SYNPO2L: variants seen among roughly 807,000 people sequenced by gnomAD.
SYNPO2L encodes synaptopodin 2 like.
A neutral mutation model predicts 47.5 loss-of-function variants in SYNPO2L; 34 were observed. The ratio of observed to expected loss-of-function variants is 0.72; its 90% CI spans 0.54 to 0.95. SYNPO2L has a LOEUF of 0.95. SYNPO2L is among the 40% of genes least tolerant of loss of function. The pLI, the probability that SYNPO2L is intolerant of heterozygous loss-of-function variation, is 0.00. For missense variants in SYNPO2L, 1,246 were observed against 1,282.0 expected (o/e 0.97, Z 0.43); for synonymous variants, 536 against 524.9 (o/e 1.02, Z -0.29).
chr10:73,650,965 C>T (rs1350082727), intron 3 of SYNPO2L: 1 of 1,613,826 alleles, frequency 6.2e-7, no homozygotes. Context: ...TCATAGCTGG[C>T]TTGGCTGAGG....
Position 73,645,290 on chromosome 10 carries a change from C to T in SYNPO2L, c.*1428G>A, listed in dbSNP as rs565042235. The T allele has an allele frequency of 1.8e-6, 2 of 1,087,612 alleles. No individual in the cohort carries two copies. Among genetic ancestry groups the T allele is most frequent in the South Asian group, 2.5e-5 (1 of 40,228 alleles). The allele number at this position is 1,087,612 out of a possible 1,614,324, so 67.4% of individuals were successfully genotyped here. A position where few individuals can be genotyped will look rare whatever the true frequency, so the allele number is the denominator to read the frequency against. On this transcript the variant is annotated 3_prime_UTR_variant, in exon 4 of 4. Transcript: ENST00000394810. ...ACATTCTTCTCCCTCAAATTTTTTT[C>T]CAATCCCCCTCTCACACACGGTTGG...
Position 73,647,691 on chromosome 10 carries a change from G to T in SYNPO2L, c.1961C>A (p.Ser654Ter). The T allele has an allele frequency of 1.2e-6, 2 of 1,614,174 alleles. No individual in the cohort carries two copies. The highest frequency in any genetic ancestry group is 1.7e-6 in the Non-Finnish European group (2 of 1,180,012). ...TKNSPNPELL[S>*]LVQNLDEKPR... ...CTTTTCATCCAGGTTCTGTACCAGC[G>T]ATAGCAGCTCGGGGTTGGGCGAGTT... is the stretch of plus-strand genomic sequence containing the variant. Residue 654 changes from serine to a stop codon, truncating the protein, a stop_gained, in exon 4 of 4, where the codon TCG becomes TAG. Coordinates refer to ENST00000394810, the MANE Select transcript of SYNPO2L (RefSeq NM_001114133.3). LOFTEE classifies it high-confidence loss of function.
In SYNPO2L at chr10:73,647,634, T is replaced by A. The variant is rs886108341; in HGVS notation, c.2018A>T (p.Glu673Val). The A allele has an allele frequency of 2.5e-6, 4 of 1,614,136 alleles. No homozygotes were observed. The South Asian group carries it at 4.4e-5, about 18-fold the overall frequency. Residue 673 changes from glutamate to valine, a missense_variant, in exon 4 of 4, where the codon GAA becomes GTA. Glu to Val is a moderately radical substitution (Grantham distance 121). Around this residue, in one of 3 missense-constraint regions of SYNPO2L, gnomAD observed 1,037 missense variants for 1,021.5 expected, o/e 1.02. Coordinates refer to ENST00000394810, the MANE Select transcript of SYNPO2L (RefSeq NM_001114133.3). ...PRAGGAESGPEEDALSLGAEA... is the reference protein window; with the variant it reads ...PRAGGAESGPVEDALSLGAEA... ...AGCCCCGAGGCTCAGAGCATCTTCTTCAGGACCAGATTCTGCACCCCCGGC... is the reference window on the plus strand; with the variant it reads ...AGCCCCGAGGCTCAGAGCATCTTCTACAGGACCAGATTCTGCACCCCCGGC...
Position 73,648,632 on chromosome 10 carries a change from G to A in SYNPO2L, c.1020C>T (p.Phe340=), listed in dbSNP as rs1373352198. 6.2e-7 allele frequency: 1 copy of A among 1,613,884 alleles called. No individual in the cohort carries two copies. The highest frequency in any genetic ancestry group is 8.5e-7 in the Non-Finnish European group (1 of 1,179,762). The change falls in exon 4 of 4, where the codon TTC becomes TTT. Residue 340 remains phenylalanine (F), a synonymous_variant. Transcript: ENST00000394810. The part of the protein sequence containing the change: ...TSESELDEEA[F]SDARSLTNQS... ...GATTGGTGAGGCTGCGGGCGTCAGAGAAGGCTTCTTCGTCCAGCTCGGACT... is the reference window on the plus strand; with the variant it reads ...GATTGGTGAGGCTGCGGGCGTCAGAAAAGGCTTCTTCGTCCAGCTCGGACT...
At chr10:73,654,613 G>A (rs1194307163) in intron 1 of SYNPO2L, among the ~76,000 whole-genome samples, 1 of 152,150 alleles carries the variant, frequency 6.6e-6, no homozygotes, top group Non-Finnish European at 1.5e-5. Context: ...GGAGGCCTAG[G>A]TGGGTGGATC....
Position 73,645,905 on chromosome 10 carries a change from A to T in SYNPO2L, c.*813T>A, listed in dbSNP as rs1202143838. 3.2e-6 allele frequency: 3 copies of T among 948,366 alleles called. No individual in the cohort carries two copies. In the African/African-American group the frequency reaches 5.3e-5, roughly 17 times the overall value. 58.7% of individuals were successfully genotyped at this position (948,366 alleles called of 1,614,324 possible). On this transcript the variant is annotated 3_prime_UTR_variant, in exon 4 of 4. Transcript: ENST00000394810. ...AGTGGCGCAATCTCAGCTCACTGCAAGCTCCGCCTTCCAGGTTCATGCCAT... is the reference window on the plus strand; with the variant it reads ...AGTGGCGCAATCTCAGCTCACTGCATGCTCCGCCTTCCAGGTTCATGCCAT...
chr10:73,654,358 C>T lies in SYNPO2L; in HGVS notation c.106-78G>A, dbSNP rs1054760721. ...AATGAAAGGAAAAGATGGGAAGGAC[C>T]CACAGGAGGGGATTTTACTTTGCAG... On this transcript the variant is annotated intron_variant, in intron 1 of 3. Transcript: ENST00000394810. 5 of 1,518,628 alleles carry T rather than the reference C, an allele frequency of 3.3e-6. No individual in the cohort carries two copies. The East Asian group carries it at 9.9e-5, about 30-fold the overall frequency. 94.1% of individuals were successfully genotyped at this position (1,518,628 alleles called of 1,614,324 possible).
chr10:73,653,270 G>T lies in SYNPO2L; in HGVS notation c.641C>A (p.Pro214Gln), dbSNP rs572798492. Residue 214 changes from proline (P) to glutamine (Q), a missense_variant, in exon 3 of 4, where the codon CCA becomes CAA. Around this residue, in one of 3 missense-constraint regions of SYNPO2L, gnomAD observed 1,037 missense variants for 1,021.5 expected, o/e 1.02. Transcript: ENST00000394810. The stretch of plus-strand genomic sequence containing the variant: ...ATGGGGTAACAGCAGAGCCTCAGCT[G>T]GGGGTGGCTGAAGGGCTGCCCCATC... ...WEDGAALQPP[P>Q]AEALLLPHGP... 7.3e-5 allele frequency: 113 copies of T among 1,549,480 alleles called. 1 individual carries two copies. The African/African-American group carries it at 1.4e-3, about 19-fold the overall frequency.
At position 73,646,808 on chromosome 10, in the gene SYNPO2L, G is replaced by A; in HGVS notation, c.2844C>T (p.Ser948=). ...GGGGCCTGGCTACCTGGAAACCGCA[G>A]GAGCTGGGAGAAGCCCCAAGGCCCC... The part of the protein sequence containing the change: ...APRGLGASPS[S]CGFQVARPRF... The change falls in exon 4 of 4, where the codon TCC becomes TCT. Residue 948 remains serine, a synonymous_variant. Transcript: ENST00000394810. 1.3e-6 allele frequency: 2 copies of A among 1,538,094 alleles called. No homozygotes were observed. The highest frequency in any genetic ancestry group is 2.2e-5 in the Admixed American group (1 of 46,412).
chr10:73,648,378 G>A lies in SYNPO2L; in HGVS notation c.1274C>T (p.Ala425Val). ...NGEGLQSPPRAQSAPPEAAVL... is the reference protein window; with the variant it reads ...NGEGLQSPPRVQSAPPEAAVL... ...AGCTGCCTCTGGGGGAGCACTCTGG[G>A]CCCGAGGTGGTGACTGCAGGCCTTC... Residue 425 changes from alanine (A) to valine (V), a missense_variant, in exon 4 of 4, where the codon GCC becomes GTC. Around this residue, in one of 3 missense-constraint regions of SYNPO2L, gnomAD observed 1,037 missense variants for 1,021.5 expected, o/e 1.02. Transcript: ENST00000394810. The A allele has an allele frequency of 6.2e-7, 1 of 1,606,764 alleles. No individual in the cohort carries two copies. The highest frequency in any genetic ancestry group is 8.5e-7 in the Non-Finnish European group (1 of 1,179,528).
chr10:73,655,696 CACCCACCCCATCTTCACAGCCT>C, intron 1 of SYNPO2L, 100 bp downstream of exon 1: 1 of 199,386 alleles, frequency 5.0e-6, no homozygotes, highest in Non-Finnish European at 1.0e-5. Context: ...CCCTGCCCAC[CACCCACCCCATCTTCACAGCCT>C]CCCACCCCCC....
chr10:73,645,476 A>G lies in SYNPO2L; in HGVS notation c.*1242T>C. 1.0e-6 allele frequency: 1 copy of G among 989,312 alleles called. No homozygotes were observed. The highest frequency in any genetic ancestry group is 1.2e-6 in the Non-Finnish European group (1 of 833,110). The allele number at this position is 989,312 out of a possible 1,614,324, so 61.3% of individuals were successfully genotyped here. A position where few individuals can be genotyped will look rare whatever the true frequency, so the allele number is the denominator to read the frequency against. Reference sequence around the variant, plus strand: ...CTCCTTTCTCTCAAGCTCATGAGGCAATGAAGCCAATGATTTGTTCATTCT... The same window carrying G: ...CTCCTTTCTCTCAAGCTCATGAGGCGATGAAGCCAATGATTTGTTCATTCT... On this transcript the variant is annotated 3_prime_UTR_variant, in exon 4 of 4. Coordinates refer to ENST00000394810, the MANE Select transcript of SYNPO2L (RefSeq NM_001114133.3).
chr10:73,654,358 C>A, intron 1 of SYNPO2L, 78 bp from the exon 2 acceptor site: 1 of 1,518,746 alleles, frequency 6.6e-7, no homozygotes, highest in Non-Finnish European at 8.9e-7. Context: ...TGGGAAGGAC[C>A]CACAGGAGGG....
Position 73,647,022 on chromosome 10 carries a change from C to A in SYNPO2L, c.2630G>T (p.Gly877Val). ...CTGGACTCGGGCAGTTTTGGGGGAC[C>A]CTGAGGCGATAGGGCCAGGAGTCGG... ...VPPTPGPIAS[G>V]SPKTARVQEI... Residue 877 changes from glycine to valine, a missense_variant, in exon 4 of 4, where the codon GGG becomes GTG. Coordinates refer to ENST00000394810, the MANE Select transcript of SYNPO2L (RefSeq NM_001114133.3). The A allele has an allele frequency of 6.2e-7, 1 of 1,613,732 alleles. No individual in the cohort carries two copies. The highest frequency in any genetic ancestry group is 8.5e-7 in the Non-Finnish European group (1 of 1,179,784).
Position 73,647,265 on chromosome 10 carries a change from G to A in SYNPO2L, c.2387C>T (p.Pro796Leu), listed in dbSNP as rs2081767780. The A allele has an allele frequency of 6.2e-7, 1 of 1,613,950 alleles. No individual in the cohort carries two copies. The highest frequency in any genetic ancestry group is 8.5e-7 in the Non-Finnish European group (1 of 1,180,004). The change falls in exon 4 of 4, where the codon CCC becomes CTC. Residue 796 changes from proline to leucine, a missense_variant. Coordinates refer to ENST00000394810, the MANE Select transcript of SYNPO2L (RefSeq NM_001114133.3). ...GTTGGGTGAATATTTCCAGGAAGGGGGCAGAGACGGGGTAGGAGAAGGACT... is the reference window on the plus strand; with the variant it reads ...GTTGGGTGAATATTTCCAGGAAGGGAGCAGAGACGGGGTAGGAGAAGGACT... ...PRSPSPTPSL[P>L]PSWKYSPNIR...
In SYNPO2L at chr10:73,648,225, T is replaced by G; in HGVS notation, c.1427A>C (p.Gln476Pro). Reference protein sequence around the residue: ...RSARPFTPGLQGQRPTTTSVI... With the variant: ...RSARPFTPGLPGQRPTTTSVI... ...CGAGGTGGTAGTTGGCCGCTGCCCT[T>G]GTAGGCCCGGGGTAAAGGGCCTGGC... Residue 476 changes from glutamine (Q) to proline (P), a missense_variant, in exon 4 of 4, where the codon CAA (glutamine) becomes CCA (proline). Transcript: ENST00000394810. The G allele has an allele frequency of 6.3e-7, 1 of 1,584,624 alleles. No homozygotes were observed. Among genetic ancestry groups the G allele is most frequent in the Non-Finnish European group, 8.6e-7 (1 of 1,167,866 alleles).
At chr10:73,651,846 C>T (rs1431665697) in intron 3 of SYNPO2L, among the ~76,000 whole-genome samples, 1 of 151,670 alleles carries the variant, frequency 6.6e-6, no homozygotes, top group African/African-American at 2.4e-5. Flanking sequence ...GAGGCCGAGG[C>T]GGGTGGATCA....
At position 73,653,207 on chromosome 10, in the gene SYNPO2L, A is replaced by G; in HGVS notation, c.704T>C (p.Val235Ala). ...TGCCACTGGGTGGGGAACAGGCCCC[A>G]CCATAGGGATGAGATGAGGACCAGG... ...LRPGPHLIPM[V>A]GPVPHPVAED... Residue 235 changes from valine (V) to alanine (A), a missense_variant, in exon 3 of 4, where the codon GTG becomes GCG. Coordinates refer to ENST00000394810, the MANE Select transcript of SYNPO2L (RefSeq NM_001114133.3). 6.7e-7 allele frequency: 1 copy of G among 1,484,240 alleles called. No individual in the cohort carries two copies. Among genetic ancestry groups the G allele is most frequent in the East Asian group, 2.5e-5 (1 of 40,218 alleles). 91.9% of individuals were successfully genotyped at this position (1,484,240 alleles called of 1,614,324 possible).
rs938192254 is a variant in SYNPO2L, at chr10:73,646,171, C to T, written c.*547G>A. 2.5e-5 allele frequency: 24 copies of T among 956,064 alleles called. No homozygotes were observed. The highest frequency in any genetic ancestry group is 4.3e-5 in the African/African-American group (2 of 47,008). 59.2% of individuals were successfully genotyped at this position (956,064 alleles called of 1,614,324 possible). ...CCTCCCCTCTTATTCATGCCTTAGA[C>T]GGAAGAGCACACACACACACACACA... On this transcript the variant is annotated 3_prime_UTR_variant, in exon 4 of 4. Transcript: ENST00000394810.
Sources: gnomAD v4.1 joint callset for allele counts (sites outside exome capture counted in the v4.1 genomes callset) on GRCh38, gnomAD v4.1.1 for gene constraint, gnomAD v4.1.1 regional missense constraint, MANE v1.5 for transcripts, NCBI Gene and HGNC (gene_info 2026-07-23, HGNC 2026-07-21) for gene names.